DMD: variants seen among roughly 807,000 people sequenced by gnomAD.
The protein encoded by DMD is mutant dystrophin.
DMD carries 63 observed loss-of-function variants against 330.1 expected under a neutral mutation model. The observed-to-expected ratio is 0.19, with a 90% CI of 0.16 to 0.24. DMD has a LOEUF of 0.24. DMD is among the 10% of genes least tolerant of loss of function. The probability of loss-of-function intolerance (pLI) is 1.00; values close to 1 mark genes in which losing one functional copy is unlikely to be tolerated. For synonymous variants in DMD, 1,223 were observed against 959.8 expected (o/e 1.27, Z -5.07); for missense variants, 3,344 against 2,684.1 (o/e 1.25, Z -5.43).
chrX:33,028,955 A>T lies in DMD; in HGVS notation c.32-8755T>A, dbSNP rs150076460. Among the ~76,000 whole-genome samples the T allele has an allele frequency of 6.8e-3, 765 of 111,960 alleles. 7 individuals are homozygous for T. The highest frequency in any genetic ancestry group is 0.02 in the South Asian group (53 of 2,664). On this transcript the variant is annotated intron_variant, in intron 1 of 78. Transcript: ENST00000357033. ...TCCCACTCATTACCTCCTAAATGTG[A>T]CCACACTTAGATGGGAGAATTATTA...
intron 53 of DMD, among the ~76,000 whole-genome samples, chrX:31,662,878 G>A (rs891375757): frequency 4.5e-5 from 5 of 111,520 alleles, no homozygotes; most frequent in African/African-American, 1.6e-4. Context: ...TCTACATGTT[G>A]GATTTGTTAT....
At chrX:31,221,539 C>G (rs924363641) in intron 64 of DMD, among the ~76,000 whole-genome samples, 1 of 112,743 alleles carries the variant, frequency 8.9e-6, no homozygotes, top group Non-Finnish European at 1.9e-5. Context: ...CTTTGAATCT[C>G]ATTCCACACA....
At chrX:31,939,133 G>C (rs1011786885) in intron 45 of DMD, among the ~76,000 whole-genome samples, 1 of 111,662 alleles carries the variant, frequency 9.0e-6, no homozygotes, top group African/African-American at 3.2e-5. Context: ...CTTCCCGAGG[G>C]AAAACCAAAA....
At chrX:33,268,764 T>TA (rs1230544331) in intron 1 of DMD, among the ~76,000 whole-genome samples, 2 of 109,833 alleles carry the variant, frequency 1.8e-5, no homozygotes, top group African/African-American at 6.6e-5. Context: ...CCGACTCTAG[T>TA]AAAAATACAA....
chrX:31,224,515 T>C (rs1223190242), intron 63 of DMD, among the ~76,000 whole-genome samples: 1 of 112,318 alleles, frequency 8.9e-6, no homozygotes, highest in East Asian at 2.8e-4. Flanking sequence ...GGTGAGGATA[T>C]GGAGCGACTG....
chrX:33,258,492 T>C (rs767770186), intron 1 of DMD, among the ~76,000 whole-genome samples: 18 of 111,649 alleles, frequency 1.6e-4, no homozygotes, highest in Non-Finnish European at 2.7e-4. Context: ...CATTTTGGAA[T>C]AATTTTTCAA....
At chrX:32,949,330 GTAGGTAGGTAGGTAGA>G (rs1165020966) in intron 2 of DMD, among the ~76,000 whole-genome samples, 4 of 77,752 alleles carry the variant, frequency 5.1e-5, no homozygotes, top group Admixed American at 3.3e-4. Context: ...GATTAGATAG[GTAGGTAGGTAGGTAGA>G]TAGATAGATA....
chrX:32,923,019 A>T (rs1030797452), intron 2 of DMD, among the ~76,000 whole-genome samples: 2 of 111,699 alleles, frequency 1.8e-5, no homozygotes, highest in African/African-American at 6.5e-5. Flanking sequence ...TATTTTTCCT[A>T]TATTTTAACA....
chrX:31,835,596 C>A (rs2093177903), intron 49 of DMD, among the ~76,000 whole-genome samples: 1 of 111,521 alleles, frequency 9.0e-6, no homozygotes, highest in Non-Finnish European at 1.9e-5. Context: ...ACAGAGAAAC[C>A]TGTGATTTTC....
At chrX:33,318,058 T>C (rs940974633) in intron 1 of DMD, among the ~76,000 whole-genome samples, 20 of 111,469 alleles carry the variant, frequency 1.8e-4, no homozygotes, top group South Asian at 7.6e-4. Context: ...GCTGATTAAG[T>C]GGAGTGATAA....
chrX:32,413,117 A>C (rs2098150556), intron 29 of DMD, among the ~76,000 whole-genome samples: 1 of 110,294 alleles, frequency 9.1e-6, no homozygotes, highest in Non-Finnish European at 1.9e-5. Flanking sequence ...CATTCTACCC[A>C]TACCTTAACT....
chrX:32,740,911 A>C (rs1342251438), intron 7 of DMD, among the ~76,000 whole-genome samples: 1 of 111,728 alleles, frequency 9.0e-6, no homozygotes, highest in East Asian at 2.8e-4. Flanking sequence ...TCATGGATTC[A>C]AATCAAGTTA....
chrX:32,847,222 G>A (rs1011727380), intron 3 of DMD, among the ~76,000 whole-genome samples: 2 of 111,351 alleles, frequency 1.8e-5, no homozygotes, highest in African/African-American at 6.5e-5. Context: ...ATTTTCCTTT[G>A]TATCATATTC....
chrX:33,280,791 T>C (rs2053317738), intron 1 of DMD, among the ~76,000 whole-genome samples: 1 of 112,241 alleles, frequency 8.9e-6, no homozygotes, highest in East Asian at 2.8e-4. Flanking sequence ...CACTGATATA[T>C]GAGTCTGTAC....
At position 31,289,251 on chromosome X, in the gene DMD, C is replaced by CAAAAAAAAAAAAA. The variant is rs773939250; in HGVS notation, c.9225-28248_9225-28236dup. Among the ~76,000 whole-genome samples, 66 of 23,515 alleles carry CAAAAAAAAAAAAA rather than the reference C, an allele frequency of 2.8e-3. 7 individuals are homozygous for CAAAAAAAAAAAAA. Among genetic ancestry groups the CAAAAAAAAAAAAA allele is most frequent in the African/African-American group, 5.9e-3 (27 of 4,543 alleles). 20.4% of individuals were successfully genotyped at this position (23,515 alleles called of 115,157 possible). A position where few individuals can be genotyped will look rare whatever the true frequency, so the allele number is the denominator to read the frequency against. On this transcript the variant is annotated intron_variant, in intron 62 of 78. Transcript: ENST00000357033. ...CTGCACTCCAGCCTGGGTGACAGAG[C>CAAAAAAAAAAAAA]AAAAAAAAAAAAAATAAAAAATAAA...
chrX:31,162,368 A>AAAAAAG (rs2038936137), intron 74 of DMD, among the ~76,000 whole-genome samples: 1 of 101,350 alleles, frequency 9.9e-6, no homozygotes, highest in Non-Finnish European at 1.9e-5. Flanking sequence ...AAAAAAAAAA[A>AAAAAAG]AAAAAAAAAA....
chrX:31,216,513 C>A (rs1374046423), intron 64 of DMD, among the ~76,000 whole-genome samples: 1 of 112,269 alleles, frequency 8.9e-6, no homozygotes, highest in Non-Finnish European at 1.9e-5. Context: ...TGGCCTCTAA[C>A]CTATGTGAAA....
At chrX:32,712,364 C>T (rs1013367631) in intron 7 of DMD, among the ~76,000 whole-genome samples, 8 of 111,513 alleles carry the variant, frequency 7.2e-5, no homozygotes, top group African/African-American at 2.3e-4. Flanking sequence ...CATCCTTACA[C>T]ATTTGTCGTA....
At chrX:33,120,499 T>C (rs1293853596) in intron 1 of DMD, among the ~76,000 whole-genome samples, 2 of 111,120 alleles carry the variant, frequency 1.8e-5, no homozygotes, top group East Asian at 5.7e-4. Flanking sequence ...GGAACTCGGG[T>C]GGGGAAAGAA....
Sources: gnomAD v4.1 joint callset for allele counts (sites outside exome capture counted in the v4.1 genomes callset) on GRCh38, gnomAD v4.1.1 for gene constraint, MANE v1.5 for transcripts, NCBI Gene and HGNC (gene_info 2026-07-23, HGNC 2026-07-21) for gene names.